The following HIVEP3 variants were observed in gnomAD, a reference collection of about 807,000 sequenced individuals.
HIVEP3 encodes the protein transcription factor HIVEP3.
A neutral mutation model predicts 152.8 loss-of-function variants in HIVEP3; 49 were observed. The observed-to-expected ratio is 0.32, with a 90% CI of 0.26 to 0.41. The LOEUF (loss-of-function observed/expected upper bound fraction) is 0.41, where lower values mean the gene tolerates loss of function less well. Among genes scored for constraint, HIVEP3 ranks in the 10% least tolerant of loss-of-function variants. The probability of loss-of-function intolerance (pLI) is 1.00; values close to 1 mark genes in which losing one functional copy is unlikely to be tolerated. For synonymous variants in HIVEP3, 1,269 were observed against 1,289.0 expected (o/e 0.98, Z 0.33); for missense variants, 2,790 against 3,103.3 (o/e 0.90, Z 2.40).
At chr1:41,647,675 G>T (rs999402178) in intron 2 of HIVEP3, among the ~76,000 whole-genome samples, 7 of 152,340 alleles carry the variant, frequency 4.6e-5, no homozygotes, top group African/African-American at 1.7e-4. Context: ...CTGACTGTGG[G>T]GCTGGGCCTG....
chr1:41,651,572 G>T (rs2124015686), intron 2 of HIVEP3, among the ~76,000 whole-genome samples: 1 of 152,344 alleles, frequency 6.6e-6, no homozygotes, highest in African/African-American at 2.4e-5. Context: ...AGGAGGATGT[G>T]TGTAGGTTAT....
At chr1:41,726,720 C>A (rs192532223) in intron 1 of HIVEP3, among the ~76,000 whole-genome samples, 2 of 152,148 alleles carry the variant, frequency 1.3e-5, no homozygotes, top group African/African-American at 2.4e-5. Context: ...GAGATCAGTT[C>A]TTTTGGGGAA....
chr1:41,639,720 C>G (rs1319949709), intron 2 of HIVEP3, among the ~76,000 whole-genome samples: 2 of 152,198 alleles, frequency 1.3e-5, no homozygotes, highest in Non-Finnish European at 2.9e-5. Flanking sequence ...GGAGTGCGCT[C>G]TAGTCTGAGA....
At chr1:41,516,181 G>GGCGGACCCTTCCCAGGGCCCTTGCAGGA (rs1553218065) in intron 7 of HIVEP3, among the ~76,000 whole-genome samples, 1 of 151,538 alleles carries the variant, frequency 6.6e-6, no homozygotes, top group Non-Finnish European at 1.5e-5. Flanking sequence ...CCCCTGGCTG[G>GGCGGACCCTTCCCAGGGCCCTTGCAGGA]GCGGCCCCGC....
chr1:41,534,290 A>G (rs1476483000), intron 5 of HIVEP3, among the ~76,000 whole-genome samples: 1 of 152,076 alleles, frequency 6.6e-6, no homozygotes, highest in African/African-American at 2.4e-5. Flanking sequence ...GGCCCAGGGC[A>G]CCATCTGCCC....
At chr1:41,678,105 G>A (rs557359388) in intron 2 of HIVEP3, among the ~76,000 whole-genome samples, 9 of 152,192 alleles carry the variant, frequency 5.9e-5, no homozygotes, top group Non-Finnish European at 1.3e-4. Context: ...TCCATTTTGC[G>A]ACGTGGCTGT....
rs538303432 is a variant in HIVEP3, at chr1:41,852,350, G to A, written c.-801+66063C>T. Among the ~76,000 whole-genome samples, 9 of 152,362 alleles carry A rather than the reference G, an allele frequency of 5.9e-5. No homozygotes were observed. In the East Asian group the frequency reaches 1.7e-3, roughly 29 times the overall value. Reference sequence around the variant, plus strand: ...AGACCACTGTGAGAGGCCACAGAGGGACACAGGGACACCGTCATCGGCCCT... The same window carrying A: ...AGACCACTGTGAGAGGCCACAGAGGAACACAGGGACACCGTCATCGGCCCT... On this transcript the variant is annotated intron_variant, in intron 1 of 8. Coordinates refer to ENST00000372583, the MANE Select transcript of HIVEP3 (RefSeq NM_024503.5).
In HIVEP3 at chr1:41,872,296, C is replaced by T. The variant is rs979273268; in HGVS notation, c.-801+46117G>A. 7.9e-5 allele frequency among the ~76,000 whole-genome samples: 12 copies of T among 152,224 alleles called. 1 individual carries two copies. Among genetic ancestry groups the T allele is most frequent in the South Asian group, 2.1e-4 (1 of 4,820 alleles). On this transcript the variant is annotated intron_variant, in intron 1 of 8. Transcript: ENST00000372583. ...AAAACGGAAGTGAGGTACAGAGTGGCGGGATTGGTTACAAGTTGGCATTTG... is the reference window on the plus strand; with the variant it reads ...AAAACGGAAGTGAGGTACAGAGTGGTGGGATTGGTTACAAGTTGGCATTTG...
At chr1:41,623,827 C>T (rs963786002) in intron 3 of HIVEP3, among the ~76,000 whole-genome samples, 20 of 152,324 alleles carry the variant, frequency 1.3e-4, no homozygotes, top group African/African-American at 3.6e-4. Flanking sequence ...CCTGGCCCCT[C>T]GGGTATCCTT....
chr1:41,611,709 C>G (rs1257922862), intron 3 of HIVEP3, among the ~76,000 whole-genome samples: 1 of 152,242 alleles, frequency 6.6e-6, no homozygotes, highest in Non-Finnish European at 1.5e-5. Context: ...GCCTGGGGAT[C>G]TAGAGACCCA....
At chr1:41,586,600 C>A (rs115768194) in intron 3 of HIVEP3, among the ~76,000 whole-genome samples, 1,927 of 152,274 alleles carry the variant, frequency 0.013, 54 homozygotes, top group African/African-American at 0.043. Context: ...TCACACTCTT[C>A]GTTTCACTAG....
At chr1:41,842,579 G>A (rs978986309) in intron 1 of HIVEP3, among the ~76,000 whole-genome samples, 4 of 152,072 alleles carry the variant, frequency 2.6e-5, no homozygotes, top group Admixed American at 6.5e-5. Context: ...AGAGCTCCAC[G>A]TGCCCCTGAG....
chr1:41,679,939 GGTCC>G (rs1646013049), intron 2 of HIVEP3, among the ~76,000 whole-genome samples: 1 of 152,194 alleles, frequency 6.6e-6, no homozygotes, highest in Non-Finnish European at 1.5e-5. Context: ...GAGAACTTCA[GGTCC>G]ACTTTGCTAA....
intron 2 of HIVEP3, among the ~76,000 whole-genome samples, chr1:41,649,841 A>G (rs534751396): frequency 6.6e-6 from 1 of 152,296 alleles, no homozygotes; most frequent in African/African-American, 2.4e-5. Flanking sequence ...CTGGCACCCA[A>G]TTTGGCAGGG....
intron 1 of HIVEP3, among the ~76,000 whole-genome samples, chr1:41,999,997 G>T (rs1645417949): frequency 6.6e-6 from 1 of 151,902 alleles, no homozygotes. Context: ...AATCACAGTT[G>T]ACAGAAACCC....
rs75682055 is a variant in HIVEP3 at position 41,887,807 on chromosome 1, G to A, written c.-801+30606C>T. On this transcript the variant is annotated intron_variant, in intron 1 of 8. Transcript: ENST00000372583. ...ATTGAATCTGGTTTGATTCTTCTGG[G>A]TGTCACATTCCCTAAACTTGCACTG... is the stretch of plus-strand genomic sequence containing the variant. Among the ~76,000 whole-genome samples, 356 of 152,262 alleles carry A rather than the reference G, an allele frequency of 2.3e-3. 1 individual carries two copies. Among genetic ancestry groups the A allele is most frequent in the African/African-American group, 7.9e-3 (330 of 41,532 alleles).
At chr1:41,535,221 C>T (rs1296062977) in intron 5 of HIVEP3, among the ~76,000 whole-genome samples, 1 of 152,212 alleles carries the variant, frequency 6.6e-6, no homozygotes, top group South Asian at 2.1e-4. Flanking sequence ...TCCCAGGGAC[C>T]TGTTACACTG....
chr1:41,958,369 G>T (rs761890944), intron 1 of HIVEP3, among the ~76,000 whole-genome samples: 1 of 152,240 alleles, frequency 6.6e-6, no homozygotes, highest in Non-Finnish European at 1.5e-5. Flanking sequence ...GCTCCTGGTA[G>T]TTATTGAAAC....
chr1:41,624,523 G>A (rs1467236398), intron 3 of HIVEP3, among the ~76,000 whole-genome samples: 1 of 152,204 alleles, frequency 6.6e-6, no homozygotes, highest in Non-Finnish European at 1.5e-5. Flanking sequence ...GTTAGGAAGA[G>A]TGGAGCTCTT....
Sources: allele counts gnomAD v4.1 joint callset (sites outside exome capture counted in the v4.1 genomes callset), GRCh38; gene constraint gnomAD v4.1.1; transcripts MANE v1.5; gene names NCBI Gene and HGNC (gene_info 2026-07-23, HGNC 2026-07-21).